NRG3: variants seen among roughly 807,000 people sequenced by gnomAD.
The protein encoded by NRG3 is neuregulin 3, also known as pro-neuregulin-3, membrane-bound isoform.
In NRG3, 31 loss-of-function variants were observed where a neutral mutation model predicts 66.9. The observed-to-expected ratio is 0.46, with a 90% CI of 0.35 to 0.63. NRG3 has a LOEUF of 0.63. Ranked by LOEUF, NRG3 falls within the 20% of genes least tolerant of loss-of-function variation. The pLI is 0.00. For synonymous variants in NRG3, 393 were observed against 359.4 expected (o/e 1.09, Z -1.06); for missense variants, 910 against 878.9 (o/e 1.04, Z -0.45).
chr10:82,941,359 T>A (rs1848562757), intron 4 of NRG3, among the ~76,000 whole-genome samples: 1 of 152,346 alleles, frequency 6.6e-6, no homozygotes, highest in African/African-American at 2.4e-5. Flanking sequence ...TATAAGGCCA[T>A]TGAACTCTTT....
At chr10:81,881,110 T>TC (rs1842138874) in intron 1 of NRG3, among the ~76,000 whole-genome samples, 1 of 152,148 alleles carries the variant, frequency 6.6e-6, no homozygotes, top group South Asian at 2.1e-4. Flanking sequence ...CTTCCTGTAC[T>TC]CCCACCTGCC....
rs551135642 is a variant in NRG3 at position 82,122,549 on chromosome 10, T to C, written c.824-236190T>C. 1.2e-3 allele frequency among the ~76,000 whole-genome samples: 181 copies of C among 152,288 alleles called. 1 individual carries two copies. Among genetic ancestry groups the C allele is most frequent in the Non-Finnish European group, 2.0e-3 (137 of 68,016 alleles). ...TAATGAGAGTTGAATTCTTTCTCTC[T>C]CCTGCCTCAGATCCTCAGGTGACAT... On this transcript the variant is annotated intron_variant, in intron 1 of 8. Coordinates refer to ENST00000372141, the MANE Select transcript of NRG3 (RefSeq NM_001010848.4).
At chr10:82,478,981 T>G (rs548835875) in intron 2 of NRG3, among the ~76,000 whole-genome samples, 2 of 152,318 alleles carry the variant, frequency 1.3e-5, no homozygotes, top group African/African-American at 4.8e-5. Context: ...TACAGTTTTC[T>G]TATGTTTCTC....
intron 6 of NRG3, among the ~76,000 whole-genome samples, chr10:82,963,409 G>C (rs1009534241): frequency 1.3e-5 from 2 of 152,174 alleles, no homozygotes; most frequent in African/African-American, 4.8e-5. Context: ...GGCCGGGCGC[G>C]GTGGCTCACG....
At chr10:82,870,150 G>C (rs759436808) in intron 4 of NRG3, among the ~76,000 whole-genome samples, 13 of 151,480 alleles carry the variant, frequency 8.6e-5, no homozygotes, top group South Asian at 2.1e-4. Flanking sequence ...TTACAGGCGT[G>C]AGCCACCACG....
intron 1 of NRG3, among the ~76,000 whole-genome samples, chr10:81,959,591 G>C (rs1850159502): frequency 6.6e-6 from 1 of 151,896 alleles, no homozygotes; most frequent in South Asian, 2.1e-4. Context: ...ATGCTTTTAG[G>C]ACCTTTTTAT....
intron 4 of NRG3, among the ~76,000 whole-genome samples, chr10:82,879,841 A>C (rs1382767152): frequency 6.6e-6 from 1 of 152,118 alleles, no homozygotes; most frequent in Admixed American, 6.5e-5. Flanking sequence ...AAAGGTGTTA[A>C]ATATTAATGT....
intron 2 of NRG3, among the ~76,000 whole-genome samples, chr10:82,625,710 GA>G (rs1207136550): frequency 6.6e-6 from 1 of 152,152 alleles, no homozygotes; most frequent in Admixed American, 6.6e-5. Context: ...AATCTTATCT[GA>G]GTTGGTGGCA....
chr10:82,718,025 C>T (rs146947390), intron 2 of NRG3, among the ~76,000 whole-genome samples: 408 of 152,224 alleles, frequency 2.7e-3, no homozygotes, highest in African/African-American at 9.3e-3. Context: ...TTATTCTATT[C>T]ACTAACATAT....
At chr10:82,308,113 TATAGTTTTTGA>T (rs1421652883) in intron 1 of NRG3, among the ~76,000 whole-genome samples, 1 of 152,098 alleles carries the variant, frequency 6.6e-6, no homozygotes, top group Non-Finnish European at 1.5e-5. Context: ...AAACAAGAAG[TATAGTTTTTGA>T]ACTCCGAGTT....
At chr10:82,497,124 G>GT (rs938272115) in intron 2 of NRG3, among the ~76,000 whole-genome samples, 20 of 152,080 alleles carry the variant, frequency 1.3e-4, no homozygotes, top group African/African-American at 4.1e-4. Flanking sequence ...AAAAAACTGA[G>GT]TTTTTTGTGG....
chr10:82,488,715 G>A (rs1842874772), intron 2 of NRG3, among the ~76,000 whole-genome samples: 1 of 152,146 alleles, frequency 6.6e-6, no homozygotes. Flanking sequence ...GGGCTGTGAA[G>A]CCATCTCCAG....
intron 2 of NRG3, among the ~76,000 whole-genome samples, chr10:82,594,803 T>C (rs2047178625): frequency 6.6e-6 from 1 of 152,042 alleles, no homozygotes; most frequent in South Asian, 2.1e-4. Flanking sequence ...TGCATGTTCT[T>C]ACTTTCTGGC....
intron 2 of NRG3, among the ~76,000 whole-genome samples, chr10:82,516,142 G>A (rs1255485557): frequency 6.7e-6 from 1 of 149,470 alleles, no homozygotes; most frequent in Admixed American, 6.7e-5. Context: ...TTGGAACATT[G>A]TGTGTGTGTG....
At chr10:82,749,644 G>A (rs1487579557) in intron 3 of NRG3, among the ~76,000 whole-genome samples, 2 of 152,088 alleles carry the variant, frequency 1.3e-5, no homozygotes, top group African/African-American at 4.8e-5. Flanking sequence ...TTTATCCATT[G>A]ATGTAGCTCC....
chr10:82,795,988 G>A (rs1248279886), intron 3 of NRG3, among the ~76,000 whole-genome samples: 1 of 151,850 alleles, frequency 6.6e-6, no homozygotes, highest in Non-Finnish European at 1.5e-5. Flanking sequence ...CCTCTCTGTG[G>A]TTTCATCCCT....
intron 2 of NRG3, among the ~76,000 whole-genome samples, chr10:82,475,080 A>C (rs775218576): frequency 1.8e-4 from 28 of 152,052 alleles, no homozygotes; most frequent in Non-Finnish European, 3.8e-4. Flanking sequence ...AGAAAAAGCT[A>C]GCAGAAAGAA....
chr10:82,913,328 G>C (rs1845514286), intron 4 of NRG3, among the ~76,000 whole-genome samples: 1 of 152,064 alleles, frequency 6.6e-6, no homozygotes. Context: ...CCAGTTATCT[G>C]TTAGTTCAAA....
chr10:82,569,344 A>G (rs1423038633), intron 2 of NRG3, among the ~76,000 whole-genome samples: 1 of 151,796 alleles, frequency 6.6e-6, no homozygotes, highest in Non-Finnish European at 1.5e-5. Context: ...AGTATTACCT[A>G]GAACAAGCTG....
Sources: gnomAD v4.1 joint callset for allele counts (sites outside exome capture counted in the v4.1 genomes callset) on GRCh38, gnomAD v4.1.1 for gene constraint, MANE v1.5 for transcripts, NCBI Gene and HGNC (gene_info 2026-07-23, HGNC 2026-07-21) for gene names.